OTOG: variants seen among roughly 807,000 people sequenced by gnomAD.
The protein encoded by OTOG is otogelin.
A neutral mutation model predicts 313.8 loss-of-function variants in OTOG; 296 were observed. The observed-to-expected ratio is 0.94, with a 90% CI of 0.86 to 1.04. The LOEUF (loss-of-function observed/expected upper bound fraction) is 1.04, where lower values mean the gene tolerates loss of function less well. OTOG is among the 50% of genes least tolerant of loss of function. The probability of loss-of-function intolerance (pLI) is 0.00; values close to 1 mark genes in which losing one functional copy is unlikely to be tolerated. For missense variants in OTOG, 3,948 were observed against 3,840.1 expected, an observed-to-expected ratio of 1.03 and a Z score of -0.74; for synonymous variants, 1,533 against 1,554.9, an observed-to-expected ratio of 0.99 and a Z score of 0.33.
intron 32 of OTOG, among the ~76,000 whole-genome samples, chr11:17,604,713 T>A (rs998470186): frequency 9.9e-5 from 15 of 152,252 alleles, no homozygotes; most frequent in Admixed American, 9.2e-4. Context: ...CCTCAGTGCC[T>A]AGAACAGGGC....
chr11:17,579,113 G>A (rs1476296051), intron 23 of OTOG, among the ~76,000 whole-genome samples: 2 of 152,194 alleles, frequency 1.3e-5, no homozygotes, highest in African/African-American at 4.8e-5. Context: ...CCCAGGGCCT[G>A]ACACCCAGCT....
chr11:17,554,255 A>G (rs1852007980), intron 6 of OTOG, among the ~76,000 whole-genome samples: 1 of 152,114 alleles, frequency 6.6e-6, no homozygotes, highest in African/African-American at 2.4e-5. Context: ...GTTCCATATT[A>G]TGACGCTGTC....
intron 49 of OTOG, 104 bp downstream of exon 49, chr11:17,639,567 C>T (rs1847924726): frequency 1.6e-6 from 2 of 1,240,834 alleles, no homozygotes; most frequent in East Asian, 5.1e-5. Context: ...GTGCAAGGAA[C>T]CCGGGGTTGC....
At chr11:17,575,023 C>T (rs1852493826) in intron 20 of OTOG, 111 bp downstream of exon 20, 11 of 1,123,524 alleles carry the variant, frequency 9.8e-6, no homozygotes, top group Non-Finnish European at 3.6e-6. Flanking sequence ...TCCTTCCCCT[C>T]ACAGTTGCAG....
chr11:17,642,390 T>G (rs888298527), intron 53 of OTOG, 144 bp downstream of exon 53: 2 of 1,159,406 alleles, frequency 1.7e-6, no homozygotes, highest in Non-Finnish European at 2.3e-6. Flanking sequence ...AATCCATATG[T>G]CTCTCTGCAT....
chr11:17,630,472 T>C (rs1299719157), intron 40 of OTOG, among the ~76,000 whole-genome samples: 1 of 152,228 alleles, frequency 6.6e-6, no homozygotes, highest in Non-Finnish European at 1.5e-5. Flanking sequence ...GAGTTTGCCT[T>C]TAATCATGCT....
In OTOG at chr11:17,643,483, C is replaced by T. The variant is rs1345981233; in HGVS notation, c.8438C>T (p.Ser2813Phe). ...TAGGTTGGGGGTTCCGTGGTACCTTCCTTGGAAGGATGCTGCAGGACCTGT... is the reference window on the plus strand; with the variant it reads ...TAGGTTGGGGGTTCCGTGGTACCTTTCTTGGAAGGATGCTGCAGGACCTGT... ...CAKVGGSVVP[S>F]LEGCCRTCKE... is the part of the protein sequence containing the mutation. The change falls in exon 54 of 56, where the codon TCC becomes TTC. Residue 2813 changes from serine to phenylalanine, a missense_variant. Physicochemically the swap from Ser to Phe is radical, Grantham distance 155 (BLOSUM62 -2). Coordinates refer to ENST00000399397, the MANE Select transcript of OTOG (RefSeq NM_001292063.2). 2 of 1,461,430 alleles carry T rather than the reference C, an allele frequency of 1.4e-6. No homozygotes were observed. The highest frequency in any genetic ancestry group is 1.8e-6 in the Non-Finnish European group (2 of 1,100,726). The allele number at this position is 1,461,430 out of a possible 1,614,324, so 90.5% of individuals were successfully genotyped here.
chr11:17,553,156 C>A lies in OTOG; in HGVS notation c.330C>A (p.His110Gln), dbSNP rs1449133113. 6.4e-7 allele frequency: 1 copy of A among 1,550,558 alleles called. No individual in the cohort carries two copies. The highest frequency in any genetic ancestry group is 8.7e-7 in the Non-Finnish European group (1 of 1,146,992). ...GCTTCAATGGAGGCGAGTGTGTGCA[C>A]CCAGCCTTCTGTGACTGCAGACGCT... Reference protein sequence around the residue: ...FSCFNGGECVHPAFCDCRRFN... With the variant: ...FSCFNGGECVQPAFCDCRRFN... Residue 110 changes from histidine to glutamine, a missense_variant, in exon 5 of 56, where the codon CAC becomes CAA. His to Gln is a conservative substitution (Grantham distance 24). Transcript: ENST00000399397.
At chr11:17,555,198 G>T (rs1258746699) in intron 6 of OTOG, among the ~76,000 whole-genome samples, 1 of 117,680 alleles carries the variant, frequency 8.5e-6, no homozygotes, top group Non-Finnish European at 1.7e-5. Flanking sequence ...CTGAATGGCG[G>T]GGGCAGAGAT....
intron 23 of OTOG, among the ~76,000 whole-genome samples, chr11:17,585,949 A>G (rs1434102114): frequency 1.3e-5 from 2 of 152,208 alleles, no homozygotes; most frequent in African/African-American, 2.4e-5. Flanking sequence ...CCCAGGCTGT[A>G]TCCTGTTGAT....
intron 14 of OTOG, 57 bp from the exon 15 acceptor site, chr11:17,561,605 G>A (rs991676501): frequency 1.3e-6 from 2 of 1,538,298 alleles, no homozygotes; most frequent in East Asian, 4.9e-5. Context: ...GGAGCTTGCA[G>A]GGCAGAGTTC....
At chr11:17,600,481 C>T (rs1158439892) in intron 31 of OTOG, among the ~76,000 whole-genome samples, 3 of 152,288 alleles carry the variant, frequency 2.0e-5, no homozygotes, top group Admixed American at 6.5e-5. Flanking sequence ...GAGGCCCAGA[C>T]TTTTTGTCCT....
chr11:17,551,879 AGGGGCAG>A (rs1851941988), intron 3 of OTOG, 114 bp from the exon 4 acceptor site: 41 of 824,274 alleles, frequency 5.0e-5, no homozygotes, highest in Non-Finnish European at 7.4e-5. Flanking sequence ...TGGGGCACTG[AGGGGCAG>A]GGGCTCCTCC....
chr11:17,558,355 G>A, intron 9 of OTOG, 40 bp downstream of exon 9: 2 of 1,546,682 alleles, frequency 1.3e-6, no homozygotes, highest in Non-Finnish European at 1.7e-6. Context: ...CCTAGAGCCT[G>A]ACTTGCTATC....
At position 17,574,709 on chromosome 11, in the gene OTOG, C is replaced by T. The variant is rs770347038; in HGVS notation, c.2294-11C>T. 4.8e-5 allele frequency: 74 copies of T among 1,547,898 alleles called. No individual in the cohort carries two copies. The highest frequency in any genetic ancestry group is 1.2e-4 in the Admixed American group (6 of 50,722). ...GGAGACAAAGCATGCACCACTCCCC[C>T]CTCACTGCAGCACTGTCCTGTGAGG... On this transcript the variant is annotated splice_polypyrimidine_tract_variant and intron_variant, in intron 19 of 55. Transcript: ENST00000399397.
In OTOG at chr11:17,638,934, G is replaced by A. The variant is rs1045442456; in HGVS notation, c.7894+385G>A. The A allele has an allele frequency of 1.8e-5, 9 of 490,180 alleles. 1 individual carries two copies. The highest frequency in any genetic ancestry group is 1.6e-4 in the South Asian group (8 of 51,420). 30.4% of individuals were successfully genotyped at this position (490,180 alleles called of 1,614,324 possible). ...AAGACGGTGAAACCCTGTGTCTACT[G>A]AAAATACAAGAAAATCAGCCGGGCA... On this transcript the variant is annotated intron_variant, in intron 48 of 55. Transcript: ENST00000399397.
rs1189865731 is a variant in OTOG at position 17,559,607 on chromosome 11, G to A, written c.1287G>A (p.Arg429=). 1.9e-6 allele frequency: 3 copies of A among 1,550,842 alleles called. No homozygotes were observed. The highest frequency in any genetic ancestry group is 3.9e-5 in the Admixed American group (2 of 51,008). The change falls in exon 12 of 56, where the codon CGG becomes CGA. Residue 429 remains arginine (R), a synonymous_variant. Transcript: ENST00000399397. ...IACCPASCHP[R]ASCVDSEIAC... ...GCTGCCCTGCCTCCTGCCATCCCCG[G>A]GCATCCTGTGTGGACAGTGAGATCG...
intron 39 of OTOG, among the ~76,000 whole-genome samples, chr11:17,618,768 T>C (rs1853793865): frequency 6.6e-6 from 1 of 152,232 alleles, no homozygotes; most frequent in Admixed American, 6.5e-5. Context: ...TTATGTCCTT[T>C]TGATGAATTA....
Position 17,623,186 on chromosome 11 carries a change from G to T in OTOG, c.6529-5947G>T, listed in dbSNP as rs1414153401. Among the ~76,000 whole-genome samples, 4 of 152,106 alleles carry T rather than the reference G, an allele frequency of 2.6e-5. No homozygotes were observed. The South Asian group carries it at 6.3e-4, about 24-fold the overall frequency. ...TTTAAGTTCAGGGGTACATGTGCAG[G>T]TTTCTTATATAGATAAACTCATATC... On this transcript the variant is annotated intron_variant, in intron 39 of 55. Transcript: ENST00000399397.
Sources: allele counts gnomAD v4.1 joint callset (sites outside exome capture counted in the v4.1 genomes callset), GRCh38; gene constraint gnomAD v4.1.1; transcripts MANE v1.5; gene names NCBI Gene and HGNC (gene_info 2026-07-23, HGNC 2026-07-21).